Variants in NHLRC2 observed in about 807,000 individuals in gnomAD.
NHLRC2 encodes NHL repeat-containing protein 2.
Under a neutral mutation model 68.1 loss-of-function variants are expected in NHLRC2, and 33 were observed. The observed-to-expected ratio is 0.48, with a 90% confidence interval of 0.37 to 0.65. The LOEUF (loss-of-function observed/expected upper bound fraction) is 0.65. Among genes scored for constraint, NHLRC2 ranks in the 30% least tolerant of loss-of-function variants. NHLRC2 has a pLI of 0.00. For missense variants in NHLRC2, 761 were observed against 853.8 expected, an observed-to-expected ratio of 0.89 and a Z score of 1.35; for synonymous variants, 311 against 309.6, an observed-to-expected ratio of 1.00 and a Z score of -0.05.
chr10:113,878,856 A>G (rs1456811699), intron 3 of NHLRC2, among the ~76,000 whole-genome samples: 1 of 152,076 alleles, frequency 6.6e-6, no homozygotes, highest in African/African-American at 2.4e-5. Flanking sequence ...CCACTCTGTT[A>G]CACTACCTTT....
At position 113,910,093 on chromosome 10, in the gene NHLRC2, A is replaced by T. The variant is rs560161826; in HGVS notation, c.*1557A>T. ...TAAAAGGAATCCTGTTTAAAATTAT[A>T]TGTAATTACCTCATAAACCTTTTCT... On this transcript the variant is annotated 3_prime_UTR_variant, in exon 11 of 11. Transcript: ENST00000369301. 5.3e-5 allele frequency: 8 copies of T among 152,358 alleles called. No individual in the cohort carries two copies. The East Asian group carries it at 1.3e-3, about 26-fold the overall frequency. The allele number at this position is 152,358 out of a possible 1,614,324, so 9.4% of individuals were successfully genotyped here.
chr10:113,906,860 G>A (rs958546798), intron 10 of NHLRC2, among the ~76,000 whole-genome samples: 5 of 152,172 alleles, frequency 3.3e-5, no homozygotes, highest in Admixed American at 6.5e-5. Flanking sequence ...TGGTAGTGGG[G>A]TAGTCCCAGC....
At chr10:113,879,787 T>C (rs1336206698) in intron 4 of NHLRC2, 92 bp downstream of exon 4, 4 of 811,770 alleles carry the variant, frequency 4.9e-6, no homozygotes, top group Non-Finnish European at 7.5e-6. Context: ...AGCGTGATTC[T>C]TATGTATGTC....
chr10:113,890,552 A>G (rs1846121750), intron 5 of NHLRC2, among the ~76,000 whole-genome samples: 1 of 151,884 alleles, frequency 6.6e-6, no homozygotes, highest in Non-Finnish European at 1.5e-5. Flanking sequence ...CTCTTCAGAT[A>G]TTTTTTTCTG....
At position 113,914,933 on chromosome 10, in the gene NHLRC2, T is replaced by A. The variant is rs772399134; in HGVS notation, c.*6397T>A. 4 of 455,522 alleles carry A rather than the reference T, an allele frequency of 8.8e-6. No individual in the cohort carries two copies. The Admixed American group carries it at 9.4e-5, about 11-fold the overall frequency. 28.2% of individuals were successfully genotyped at this position (455,522 alleles called of 1,614,324 possible). ...CCCTGGCCCCTTTACATATGAGCTCTGGAGGTTCGCCTGGCTGCCTCAGGC... is the reference window on the plus strand; with the variant it reads ...CCCTGGCCCCTTTACATATGAGCTCAGGAGGTTCGCCTGGCTGCCTCAGGC... On this transcript the variant is annotated 3_prime_UTR_variant, in exon 11 of 11. Transcript: ENST00000369301.
chr10:113,879,128 A>G (rs1167219168), intron 3 of NHLRC2, among the ~76,000 whole-genome samples: 5 of 151,926 alleles, frequency 3.3e-5, no homozygotes, highest in African/African-American at 9.7e-5. Context: ...GGGTCCTTGG[A>G]CTCCTGAGAG....
intron 2 of NHLRC2, among the ~76,000 whole-genome samples, chr10:113,864,988 C>T (rs1006920599): frequency 5.3e-5 from 8 of 150,632 alleles, no homozygotes; most frequent in African/African-American, 1.7e-4. Context: ...CTTGCTCTGT[C>T]GCCCAGGCTG....
At chr10:113,866,471 G>C (rs1845868668) in intron 2 of NHLRC2, among the ~76,000 whole-genome samples, 5 of 152,016 alleles carry the variant, frequency 3.3e-5, no homozygotes, top group Admixed American at 3.3e-4. Flanking sequence ...TGTTTTATAA[G>C]AAAACTTCTA....
intron 4 of NHLRC2, among the ~76,000 whole-genome samples, chr10:113,882,104 G>A (rs1441267154): frequency 6.6e-6 from 1 of 151,692 alleles, no homozygotes; most frequent in African/African-American, 2.4e-5. Flanking sequence ...TATTTAGATT[G>A]TGTTTTGGCT....
chr10:113,915,038 C>T lies in NHLRC2; in HGVS notation c.*6502C>T, dbSNP rs1290592548. On this transcript the variant is annotated 3_prime_UTR_variant, in exon 11 of 11. Coordinates refer to ENST00000369301, the MANE Select transcript of NHLRC2 (RefSeq NM_198514.4). ...CCCACTCGGCTTTTCTGATTGCATC[C>T]CACCTGTTTCTGAGTGTGTTGGTTT... 4.4e-6 allele frequency: 2 copies of T among 456,114 alleles called. No individual in the cohort carries two copies. Among genetic ancestry groups the T allele is most frequent in the Non-Finnish European group, 8.8e-6 (2 of 226,976 alleles). The allele number at this position is 456,114 out of a possible 1,614,324, so 28.3% of individuals were successfully genotyped here.
intron 2 of NHLRC2, among the ~76,000 whole-genome samples, chr10:113,875,855 T>C (rs1845974917): frequency 1.3e-5 from 2 of 152,122 alleles, no homozygotes; most frequent in South Asian, 4.1e-4. Context: ...TTAGCTGTTA[T>C]TATCTCTACT....
At chr10:113,874,204 A>T (rs931975358) in intron 2 of NHLRC2, among the ~76,000 whole-genome samples, 2 of 152,198 alleles carry the variant, frequency 1.3e-5, no homozygotes, top group African/African-American at 2.4e-5. Flanking sequence ...TTTACTCTAC[A>T]CTAGGTACTA....
At chr10:113,855,199 T>C in intron 1 of NHLRC2, 149 bp downstream of exon 1, 2 of 722,286 alleles carry the variant, frequency 2.8e-6, no homozygotes, top group South Asian at 1.8e-5. Flanking sequence ...GCTGTTCGCG[T>C]GTTCTGCAAT....
chr10:113,905,383 A>G (rs1205599437), intron 10 of NHLRC2, among the ~76,000 whole-genome samples: 1 of 152,176 alleles, frequency 6.6e-6, no homozygotes, highest in Non-Finnish European at 1.5e-5. Context: ...TGAAATAGAG[A>G]AAGTGGAGCC....
At chr10:113,861,585 T>TA (rs1845817217) in intron 2 of NHLRC2, among the ~76,000 whole-genome samples, 1 of 152,146 alleles carries the variant, frequency 6.6e-6, no homozygotes, top group South Asian at 2.1e-4. Context: ...AGAGAGAAAG[T>TA]AAGACATTTC....
rs1589551514 is a variant in NHLRC2 at position 113,911,175 on chromosome 10, T to A, written c.*2639T>A. ...AATGTGGTATTACACACATTTTATA[T>A]AATACCTGGAATCTTTGCCCTAAAT... On this transcript the variant is annotated 3_prime_UTR_variant, in exon 11 of 11. Coordinates refer to ENST00000369301, the MANE Select transcript of NHLRC2 (RefSeq NM_198514.4). 6.6e-6 allele frequency: 1 copy of A among 152,148 alleles called. No homozygotes were observed. The allele number at this position is 152,148 out of a possible 1,614,324, so 9.4% of individuals were successfully genotyped here. A position where few individuals can be genotyped will look rare whatever the true frequency, so the allele number is the denominator to read the frequency against.
intron 5 of NHLRC2, among the ~76,000 whole-genome samples, chr10:113,895,742 A>T (rs1283262769): frequency 6.6e-6 from 1 of 152,152 alleles, no homozygotes; most frequent in African/African-American, 2.4e-5. Context: ...TTAGAAAGTG[A>T]TGTAGCTACT....
chr10:113,874,646 C>T (rs1313226646), intron 2 of NHLRC2, among the ~76,000 whole-genome samples: 1 of 151,608 alleles, frequency 6.6e-6, no homozygotes, highest in East Asian at 1.9e-4. Flanking sequence ...TTTTTTCTGC[C>T]CCAATCTTAT....
In NHLRC2 at chr10:113,894,346, A is replaced by G. The variant is rs555265731; in HGVS notation, c.1040-3764A>G. Reference sequence around the variant, plus strand: ...GATTCTTAGTGTAGAAGGCTTATAAATCTTTTTTACCCTTAGGTGTTTGAT... The same window carrying G: ...GATTCTTAGTGTAGAAGGCTTATAAGTCTTTTTTACCCTTAGGTGTTTGAT... On this transcript the variant is annotated intron_variant, in intron 5 of 10. Coordinates refer to ENST00000369301, the MANE Select transcript of NHLRC2 (RefSeq NM_198514.4). Among the ~76,000 whole-genome samples, 22 of 152,274 alleles carry G rather than the reference A, an allele frequency of 1.4e-4. No homozygotes were observed. The East Asian group carries it at 4.2e-3, about 29-fold the overall frequency.
Sources: allele counts gnomAD v4.1 joint callset (sites outside exome capture counted in the v4.1 genomes callset), GRCh38; gene constraint gnomAD v4.1.1; transcripts MANE v1.5; gene names NCBI Gene and HGNC (gene_info 2026-07-23, HGNC 2026-07-21).